Variants in PROM1 observed in about 807,000 individuals in gnomAD.
PROM1 encodes prominin 1, also known as prominin-1.
A neutral mutation model predicts 116.9 loss-of-function variants in PROM1; 105 were observed. That is an observed-to-expected ratio of 0.90 (90% CI 0.77 to 1.06). The LOEUF (loss-of-function observed/expected upper bound fraction) is 1.06, where lower values mean the gene tolerates loss of function less well. Ranked by LOEUF, PROM1 falls within the 50% of genes least tolerant of loss-of-function variation. The pLI, the probability that PROM1 is intolerant of heterozygous loss-of-function variation, is 0.00. For missense variants in PROM1, 1,122 were observed against 1,045.2 expected, an observed-to-expected ratio of 1.07 and a Z score of -1.01; for synonymous variants, 393 against 387.0, an observed-to-expected ratio of 1.02 and a Z score of -0.18.
At chr4:16,008,091 C>T (rs1287442857) in intron 12 of PROM1, among the ~76,000 whole-genome samples, 2 of 152,204 alleles carry the variant, frequency 1.3e-5, no homozygotes, top group Non-Finnish European at 2.9e-5. Context: ...CTGAAACTGT[C>T]CCATAAATGG....
intron 10 of PROM1, among the ~76,000 whole-genome samples, 165 bp from the exon 11 acceptor site, chr4:16,013,503 C>T (rs1727458658): frequency 6.6e-6 from 1 of 152,126 alleles, no homozygotes; most frequent in Admixed American, 6.5e-5. Flanking sequence ...CTAAAAAAAT[C>T]CCCTTTAGAG....
At chr4:16,026,534 T>C (rs1003192298) in intron 5 of PROM1, among the ~76,000 whole-genome samples, 7 of 152,184 alleles carry the variant, frequency 4.6e-5, no homozygotes, top group African/African-American at 1.7e-4. Context: ...ATCAATACAT[T>C]GCCTCTTCAG....
intron 13 of PROM1, among the ~76,000 whole-genome samples, chr4:16,006,261 G>A (rs1333075743): frequency 6.6e-6 from 1 of 152,246 alleles, no homozygotes; most frequent in Non-Finnish European, 1.5e-5. Flanking sequence ...AAAGGAGCCT[G>A]CCATATATAA....
chr4:15,980,540 A>AGG lies in PROM1; in HGVS notation c.2374-5_2374-4dup, dbSNP rs34269395. ...CCTATGCCAAACCAAAACAAATTCT[A>AGG]GGAAAAAAAAATCAGAAGAATTAAA... On this transcript the variant is annotated splice_polypyrimidine_tract_variant and splice_region_variant and intron_variant, in intron 23 of 27. Transcript: ENST00000447510. 1 of 1,485,600 alleles carries AGG rather than the reference A, an allele frequency of 6.7e-7. No individual in the cohort carries two copies. The highest frequency in any genetic ancestry group is 9.2e-7 in the Non-Finnish European group (1 of 1,092,312). 92.0% of individuals were successfully genotyped at this position (1,485,600 alleles called of 1,614,324 possible). A position where few individuals can be genotyped will look rare whatever the true frequency, so the allele number is the denominator to read the frequency against.
At chr4:15,990,737 A>G (rs111987300) in intron 18 of PROM1, among the ~76,000 whole-genome samples, 1 of 152,220 alleles carries the variant, frequency 6.6e-6, no homozygotes, top group African/African-American at 2.4e-5. Context: ...CTCCCTGTCC[A>G]TCACCATAAG....
intron 17 of PROM1, 146 bp from the exon 18 acceptor site, chr4:15,991,439 T>A (rs1720956632): frequency 1.8e-6 from 1 of 555,298 alleles, no homozygotes; most frequent in Non-Finnish European, 3.1e-6. Flanking sequence ...TGGCAACATT[T>A]GCATTCTTAT....
At chr4:16,039,770 C>T in intron 2 of PROM1, among the ~76,000 whole-genome samples, 1 of 151,878 alleles carries the variant, frequency 6.6e-6, no homozygotes, top group Non-Finnish European at 1.5e-5. Context: ...AAATCCTTCT[C>T]TTCCTGTCTC....
intron 2 of PROM1, among the ~76,000 whole-genome samples, chr4:16,044,040 C>T (rs1735952945): frequency 6.6e-6 from 1 of 152,226 alleles, no homozygotes; most frequent in Admixed American, 6.5e-5. Flanking sequence ...ACAGGACATG[C>T]AGCAGGAGCT....
At chr4:16,025,740 C>T (rs80085904) in intron 5 of PROM1, among the ~76,000 whole-genome samples, 9,083 of 150,746 alleles carry the variant, frequency 0.06, 429 homozygotes, top group African/African-American at 0.14. Flanking sequence ...CACACACACA[C>T]TTCTGCTCCC....
rs17478107 is a variant in PROM1 at position 16,000,665 on chromosome 4, T to C, written c.1455-46A>G. 412,942 of 1,445,772 alleles carry C rather than the reference T, an allele frequency of 0.29. 61,489 individuals carry two copies. The highest frequency in any genetic ancestry group is 0.32 in the South Asian group (25,095 of 77,840). The allele number at this position is 1,445,772 out of a possible 1,614,324, so 89.6% of individuals were successfully genotyped here. ...AGTAATTCAACAAAGAATGATTCAA[T>C]ATTACCTACTGATACTTACTAAATC... On this transcript the variant is annotated intron_variant, in intron 13 of 27. Coordinates refer to ENST00000447510, the MANE Select transcript of PROM1 (RefSeq NM_006017.3).
intron 5 of PROM1, among the ~76,000 whole-genome samples, chr4:16,026,132 T>C (rs145434365): frequency 2.8e-4 from 42 of 152,372 alleles, no homozygotes; most frequent in African/African-American, 8.2e-4. Flanking sequence ...AAAAACGCCA[T>C]ATGAAAGGCA....
intron 10 of PROM1, among the ~76,000 whole-genome samples, chr4:16,013,790 G>C (rs952699537): frequency 6.6e-6 from 1 of 152,030 alleles, no homozygotes; most frequent in African/African-American, 2.4e-5. Context: ...CCATGCACAG[G>C]AGAGCCCCCG....
At chr4:16,066,086 G>A (rs1741463793) in intron 2 of PROM1, among the ~76,000 whole-genome samples, 3 of 152,198 alleles carry the variant, frequency 2.0e-5, no homozygotes, top group Admixed American at 2.0e-4. Context: ...GCCTTCAGAT[G>A]GAGCGTGGCC....
intron 15 of PROM1, among the ~76,000 whole-genome samples, chr4:15,997,903 GAGA>G (rs957139853): frequency 2.6e-5 from 4 of 152,244 alleles, no homozygotes; most frequent in African/African-American, 7.2e-5. Context: ...CCGTGGAACA[GAGA>G]AGATGTGGAA....
chr4:16,025,382 C>G, intron 5 of PROM1, 70 bp from the exon 6 acceptor site: 2 of 1,580,548 alleles, frequency 1.3e-6, no homozygotes, highest in Non-Finnish European at 1.7e-6. Flanking sequence ...CAGGTCCAGG[C>G]AGCAGAGCAG....
intron 4 of PROM1, among the ~76,000 whole-genome samples, chr4:16,035,419 A>T (rs1414317410): frequency 6.6e-6 from 1 of 152,234 alleles, no homozygotes; most frequent in East Asian, 1.9e-4. Flanking sequence ...CAGCCTTTCT[A>T]ATGTTACTGA....
At chr4:16,000,420 A>C (rs2149186265) in intron 14 of PROM1, 76 bp downstream of exon 14, 1 of 1,317,092 alleles carries the variant, frequency 7.6e-7, no homozygotes, top group East Asian at 2.4e-5. Context: ...CACTGCTCTT[A>C]AAGTAATGCA....
At chr4:16,074,445 T>C (rs1393974508) in intron 2 of PROM1, among the ~76,000 whole-genome samples, 2 of 152,224 alleles carry the variant, frequency 1.3e-5, no homozygotes, top group Non-Finnish European at 2.9e-5. Context: ...CCAAGAGATG[T>C]CTATTCAGAA....
Position 15,971,033 on chromosome 4 carries a change from T to C in PROM1, c.*24+10A>G. On this transcript the variant is annotated intron_variant, in intron 27 of 27. Coordinates refer to ENST00000447510, the MANE Select transcript of PROM1 (RefSeq NM_006017.3). ...CTGTAGATTCTCTTCAATGAAAGCA[T>C]CAAACTTACCTCAAGCAGTTTCAAC... 1 of 1,575,442 alleles carries C rather than the reference T, an allele frequency of 6.3e-7. No individual in the cohort carries two copies. The highest frequency in any genetic ancestry group is 8.6e-7 in the Non-Finnish European group (1 of 1,158,610).
Sources: allele counts gnomAD v4.1 joint callset (sites outside exome capture counted in the v4.1 genomes callset), GRCh38; gene constraint gnomAD v4.1.1; transcripts MANE v1.5; gene names NCBI Gene and HGNC (gene_info 2026-07-23, HGNC 2026-07-21).